The following SLC27A6 variants were observed in gnomAD, a reference collection of about 807,000 sequenced individuals.
The protein encoded by SLC27A6 is long-chain fatty acid transport protein 6.
A neutral mutation model predicts 63.9 loss-of-function variants in SLC27A6; 74 were observed. That is an observed-to-expected ratio of 1.16 (90% confidence interval 0.96 to 1.40). The LOEUF is 1.40. Ranked by LOEUF, SLC27A6 falls within the 40% of genes most tolerant of loss-of-function variation. The probability of loss-of-function intolerance (pLI) is 0.00; values close to 1 mark genes in which losing one functional copy is unlikely to be tolerated. For missense variants in SLC27A6, 794 were observed against 732.9 expected (o/e 1.08, Z -0.96); for synonymous variants, 287 against 260.8 (o/e 1.10, Z -0.97).
intron 4 of SLC27A6, among the ~76,000 whole-genome samples, chr5:128,995,031 C>A (rs1159202273): frequency 6.6e-6 from 1 of 152,232 alleles, no homozygotes; most frequent in East Asian, 1.9e-4. Context: ...TCTTCTCTTC[C>A]CCTGAGACTA....
chr5:129,029,874 G>A (rs1486965550), intron 9 of SLC27A6, among the ~76,000 whole-genome samples, 167 bp downstream of exon 9: 1 of 151,980 alleles, frequency 6.6e-6, no homozygotes, highest in Non-Finnish European at 1.5e-5. Flanking sequence ...ATTATAAAGG[G>A]GGCATGGTGA....
intron 4 of SLC27A6, among the ~76,000 whole-genome samples, chr5:128,996,589 T>C (rs1294488180): frequency 6.6e-6 from 1 of 152,128 alleles, no homozygotes; most frequent in Non-Finnish European, 1.5e-5. Flanking sequence ...CAGGTTTTTT[T>C]TTATTATTTT....
chr5:128,991,637 C>A (rs1182154024), intron 4 of SLC27A6, among the ~76,000 whole-genome samples: 1 of 151,772 alleles, frequency 6.6e-6, no homozygotes, highest in Non-Finnish European at 1.5e-5. Flanking sequence ...AACTACTGAC[C>A]ACTGACACTG....
rs76331109 is a variant in SLC27A6 at position 128,966,462 on chromosome 5, G to A, written c.325G>A (p.Ala109Thr). 1.4e-3 allele frequency: 2,267 copies of A among 1,608,426 alleles called. 23 individuals are homozygous for A. In the African/African-American group the frequency reaches 0.019, roughly 14 times the overall value. The change falls in exon 1 of 10, where the codon GCT becomes ACT. Residue 109 changes from alanine to threonine, a missense_variant. By Grantham distance (58) the Ala-to-Thr change is moderately conservative. Transcript: ENST00000262462. ...HSSLKKGDTVALLMSNEPDFV... is the reference protein window; with the variant it reads ...HSSLKKGDTVTLLMSNEPDFV... Reference sequence around the variant, plus strand: ...CTCTCTGAAAAAGGGGGACACGGTGGCTCTGCTGATGAGCAATGAGCCGGA... The same window carrying A: ...CTCTCTGAAAAAGGGGGACACGGTGACTCTGCTGATGAGCAATGAGCCGGA...
At position 128,966,630 on chromosome 5, in the gene SLC27A6, G is replaced by T. The variant is rs758428827; in HGVS notation, c.481+12G>T. On this transcript the variant is annotated intron_variant, in intron 1 of 9. Coordinates refer to ENST00000262462, the MANE Select transcript of SLC27A6 (RefSeq NM_001017372.3). The stretch of plus-strand genomic sequence containing the variant: ...AGTGGTGGGCGCAGGTAGAGTATGG[G>T]GTGTGGTCTGCCTATACAGAATGGC... The T allele has an allele frequency of 1.1e-5, 16 of 1,503,548 alleles. No homozygotes were observed. The African/African-American group carries it at 2.1e-4, about 20-fold the overall frequency. The allele number at this position is 1,503,548 out of a possible 1,614,324, so 93.1% of individuals were successfully genotyped here.
At chr5:129,023,382 C>T (rs2150153620) in intron 5 of SLC27A6, among the ~76,000 whole-genome samples, 1 of 152,004 alleles carries the variant, frequency 6.6e-6, no homozygotes, top group African/African-American at 2.4e-5. Context: ...TAAAGTGTAC[C>T]ACAAAAGAAA....
rs1393421602 is a variant in SLC27A6, at chr5:129,018,212, C to CT, written c.1164+2139dup. 2.0e-5 allele frequency among the ~76,000 whole-genome samples: 3 copies of CT among 152,038 alleles called. 1 individual carries two copies. Among genetic ancestry groups the CT allele is most frequent in the Non-Finnish European group, 4.4e-5 (3 of 67,960 alleles). On this transcript the variant is annotated intron_variant, in intron 5 of 9. Coordinates refer to ENST00000262462, the MANE Select transcript of SLC27A6 (RefSeq NM_001017372.3). ...GAATCCCATAATGCGAACTTTGGTG[C>CT]TTTTTTGTCACTTTCATCCCTAACT...
chr5:129,011,168 A>G (rs530972499), intron 4 of SLC27A6, among the ~76,000 whole-genome samples: 10 of 152,080 alleles, frequency 6.6e-5, no homozygotes, highest in Non-Finnish European at 1.5e-4. Context: ...GATAATTAGG[A>G]GTGGAATGGG....
chr5:128,999,797 A>G (rs2150141290), intron 4 of SLC27A6, among the ~76,000 whole-genome samples: 2 of 152,192 alleles, frequency 1.3e-5, no homozygotes, highest in Middle Eastern at 3.4e-3. Flanking sequence ...CTCAAGCTCC[A>G]CTAATGTCTG....
At chr5:128,982,304 A>AAATT (rs1750622694) in intron 1 of SLC27A6, among the ~76,000 whole-genome samples, 1 of 152,214 alleles carries the variant, frequency 6.6e-6, no homozygotes, top group Non-Finnish European at 1.5e-5. Context: ...CACCTAAATA[A>AAATT]AATTAATTTT....
intron 4 of SLC27A6, among the ~76,000 whole-genome samples, chr5:128,995,188 A>G (rs1404429451): frequency 2.0e-5 from 3 of 152,226 alleles, no homozygotes; most frequent in Non-Finnish European, 4.4e-5. Flanking sequence ...TTGGAACTCT[A>G]GACATCAGTG....
At chr5:129,016,117 G>T in intron 5 of SLC27A6, 38 bp downstream of exon 5, 1 of 1,450,980 alleles carries the variant, frequency 6.9e-7, no homozygotes, top group Non-Finnish European at 9.4e-7. Flanking sequence ...AAATACATCG[G>T]TGCGGTGGCT....
intron 1 of SLC27A6, among the ~76,000 whole-genome samples, chr5:128,973,204 C>T (rs1750251480): frequency 6.6e-6 from 1 of 152,142 alleles, no homozygotes; most frequent in African/African-American, 2.4e-5. Flanking sequence ...GGAGATGTCT[C>T]CCAGTTAGGC....
chr5:129,004,242 A>G (rs1751444180), intron 4 of SLC27A6, among the ~76,000 whole-genome samples: 1 of 152,044 alleles, frequency 6.6e-6, no homozygotes, highest in African/African-American at 2.4e-5. Flanking sequence ...TACTGTGTTT[A>G]GGTTTCTATA....
At chr5:128,967,097 G>A (rs1051957110) in intron 1 of SLC27A6, among the ~76,000 whole-genome samples, 1 of 152,210 alleles carries the variant, frequency 6.6e-6, no homozygotes, top group Non-Finnish European at 1.5e-5. Context: ...CTGTCTGCAA[G>A]CTAGGACTTG....
intron 1 of SLC27A6, among the ~76,000 whole-genome samples, chr5:128,972,871 C>G (rs1232768934): frequency 6.6e-6 from 1 of 152,180 alleles, no homozygotes; most frequent in African/African-American, 2.4e-5. Flanking sequence ...GAATTTTCAG[C>G]TTTTCTGCTC....
At chr5:128,999,523 G>C (rs958498670) in intron 4 of SLC27A6, among the ~76,000 whole-genome samples, 7 of 152,076 alleles carry the variant, frequency 4.6e-5, no homozygotes, top group Admixed American at 6.5e-5. Context: ...CTCCAATCCT[G>C]TCTTCTCCCT....
chr5:129,001,165 G>C (rs934339919), intron 4 of SLC27A6, among the ~76,000 whole-genome samples: 1 of 152,180 alleles, frequency 6.6e-6, no homozygotes, highest in African/African-American at 2.4e-5. Flanking sequence ...AACCTGTGCT[G>C]TCTTGACCTT....
chr5:129,026,369 T>C (rs747120545), intron 6 of SLC27A6, among the ~76,000 whole-genome samples: 1 of 152,156 alleles, frequency 6.6e-6, no homozygotes, highest in Non-Finnish European at 1.5e-5. Context: ...ATAAGTTTGA[T>C]TGGAAAATTA....
Sources: allele counts gnomAD v4.1 joint callset (sites outside exome capture counted in the v4.1 genomes callset), GRCh38; gene constraint gnomAD v4.1.1; transcripts MANE v1.5; gene names NCBI Gene and HGNC (gene_info 2026-07-23, HGNC 2026-07-21).